The following LPAR1 variants were observed in gnomAD, a reference collection of about 807,000 sequenced individuals.
LPAR1 encodes lysophosphatidic acid receptor 1.
Under a neutral mutation model 23.8 loss-of-function variants are expected in LPAR1, and 5 were observed. The observed-to-expected ratio is 0.21, with a 90% CI of 0.11 to 0.44. The LOEUF (loss-of-function observed/expected upper bound fraction) is 0.44, where lower values mean the gene tolerates loss of function less well. Among genes scored for constraint, LPAR1 ranks in the 20% least tolerant of loss-of-function variants. LPAR1 has a pLI of 0.99. For missense variants in LPAR1, 311 were observed against 482.8 expected (o/e 0.64, Z 3.33); for synonymous variants, 160 against 164.7 (o/e 0.97, Z 0.22).
intron 2 of LPAR1, among the ~76,000 whole-genome samples, chr9:110,999,143 T>C (rs2097080490): frequency 6.6e-6 from 1 of 152,178 alleles, no homozygotes; most frequent in Non-Finnish European, 1.5e-5. Flanking sequence ...TGAATAAAGA[T>C]GATGTCAGCC....
intron 5 of LPAR1, among the ~76,000 whole-genome samples, chr9:110,908,668 T>C (rs2091846404): frequency 6.6e-6 from 1 of 152,104 alleles, no homozygotes; most frequent in Non-Finnish European, 1.5e-5. Flanking sequence ...TGAATACGAC[T>C]TCCTAGGAGG....
intron 4 of LPAR1, among the ~76,000 whole-genome samples, chr9:110,943,548 T>G (rs1412373822): frequency 6.6e-6 from 1 of 152,108 alleles, no homozygotes; most frequent in Non-Finnish European, 1.5e-5. Context: ...ATTTATCTCT[T>G]TACTTGTCTG....
At chr9:110,929,487 CA>C (rs754632177) in intron 5 of LPAR1, among the ~76,000 whole-genome samples, 2 of 152,090 alleles carry the variant, frequency 1.3e-5, no homozygotes, top group Non-Finnish European at 2.9e-5. Context: ...CATAAGCAAG[CA>C]AAATTTCTGA....
intron 2 of LPAR1, among the ~76,000 whole-genome samples, chr9:111,008,248 T>C (rs151172590): frequency 3.3e-5 from 5 of 152,286 alleles, no homozygotes; most frequent in Middle Eastern, 3.4e-3. Context: ...AGTCACACTA[T>C]AGACGTCTTT....
chr9:111,014,982 T>G (rs2097412519), intron 2 of LPAR1, among the ~76,000 whole-genome samples: 1 of 151,704 alleles, frequency 6.6e-6, no homozygotes, highest in Admixed American at 6.6e-5. Flanking sequence ...ATGAGGTCAT[T>G]AGAGTGGGCC....
chr9:110,980,548 G>A (rs1203658885), intron 2 of LPAR1, among the ~76,000 whole-genome samples: 1 of 151,746 alleles, frequency 6.6e-6, no homozygotes, highest in Non-Finnish European at 1.5e-5. Context: ...CAATGTTCTC[G>A]CTCCTATGTG....
intron 5 of LPAR1, among the ~76,000 whole-genome samples, chr9:110,904,275 T>G (rs1219533099): frequency 6.6e-6 from 1 of 152,166 alleles, no homozygotes; most frequent in Non-Finnish European, 1.5e-5. Context: ...CTCATGAGTT[T>G]CATAAGATAT....
intron 5 of LPAR1, among the ~76,000 whole-genome samples, chr9:110,896,035 G>A (rs1179603131): frequency 6.6e-6 from 1 of 152,188 alleles, no homozygotes; most frequent in African/African-American, 2.4e-5. Context: ...GAAGATGTAA[G>A]CTGGGTCAAT....
chr9:110,903,807 T>A (rs2090185491), intron 5 of LPAR1, among the ~76,000 whole-genome samples: 1 of 130,470 alleles, frequency 7.7e-6, no homozygotes, highest in Admixed American at 8.7e-5. Context: ...ATAAGCTGTA[T>A]AAATCTCAAA....
At chr9:110,935,840 A>G (rs1020001486) in intron 5 of LPAR1, among the ~76,000 whole-genome samples, 4 of 152,222 alleles carry the variant, frequency 2.6e-5, no homozygotes, top group Non-Finnish European at 4.4e-5. Context: ...GGAACCCTTC[A>G]TCGTCTCCCA....
chr9:110,884,775 T>C (rs1481975987), intron 5 of LPAR1, among the ~76,000 whole-genome samples: 1 of 152,234 alleles, frequency 6.6e-6, no homozygotes, highest in African/African-American at 2.4e-5. Context: ...TAAGGAAATA[T>C]CCTATTACTT....
At chr9:111,000,669 T>C (rs901423987) in intron 2 of LPAR1, among the ~76,000 whole-genome samples, 10 of 152,192 alleles carry the variant, frequency 6.6e-5, no homozygotes, top group Non-Finnish European at 1.3e-4. Context: ...GGGGCATGGT[T>C]AGAACTCCAA....
In LPAR1 at chr9:110,972,193, C is replaced by G. The variant is rs1588622641; in HGVS notation, c.-76G>C. 2 of 1,313,988 alleles carry G rather than the reference C, an allele frequency of 1.5e-6. No individual in the cohort carries two copies. The highest frequency in any genetic ancestry group is 1.4e-5 in the African/African-American group (1 of 69,096). The allele number at this position is 1,313,988 out of a possible 1,614,324, so 81.4% of individuals were successfully genotyped here. A position where few individuals can be genotyped will look rare whatever the true frequency, so the allele number is the denominator to read the frequency against. ...AAATTTTCTTGTTTGCTGATCAGAT[C>G]GAAGTCATGCTAGGAGAAGCTGTGT... On this transcript the variant is annotated 5_prime_UTR_variant, in exon 4 of 6. Coordinates refer to ENST00000683809, the MANE Select transcript of LPAR1 (RefSeq NM_001351411.2).
intron 5 of LPAR1, chr9:110,934,374 G>A (rs1035924062): frequency 6.6e-6 from 1 of 151,998 alleles, no homozygotes; most frequent in African/African-American, 2.4e-5. Context: ...GGGGGATAGT[G>A]CATCTAAAAG....
At chr9:110,879,155 G>T (rs1327881949) in intron 5 of LPAR1, among the ~76,000 whole-genome samples, 1 of 152,092 alleles carries the variant, frequency 6.6e-6, no homozygotes, top group Non-Finnish European at 1.5e-5. Flanking sequence ...GGGAGCTCAC[G>T]CCTGTAATCC....
intron 4 of LPAR1, among the ~76,000 whole-genome samples, chr9:110,961,748 G>A (rs10817123): frequency 0.23 from 34,187 of 151,838 alleles, 4,458 homozygotes; most frequent in Admixed American, 0.3. Flanking sequence ...GTACATGGCC[G>A]CAGGCAAGAG....
rs73657207 is a variant in LPAR1 at position 110,948,894 on chromosome 9, T to C, written c.46-6726A>G. ...CTAGCAGTCTCTAAGATCTTCGTAT[T>C]GGTAAGTGTGTAGATCAAGAAAAAA... is the stretch of plus-strand genomic sequence containing the variant. On this transcript the variant is annotated intron_variant, in intron 4 of 5. Coordinates refer to ENST00000683809, the MANE Select transcript of LPAR1 (RefSeq NM_001351411.2). Among the ~76,000 whole-genome samples, 1,322 of 150,952 alleles carry C rather than the reference T, an allele frequency of 8.8e-3. 24 individuals carry two copies. The highest frequency in any genetic ancestry group is 0.03 in the African/African-American group (1,248 of 41,054).
chr9:111,035,799 T>C (rs181352145), intron 2 of LPAR1, among the ~76,000 whole-genome samples: 36 of 152,344 alleles, frequency 2.4e-4, no homozygotes, highest in Non-Finnish European at 4.1e-4. Context: ...AGTTCTGTTA[T>C]CTGCTGAATA....
chr9:110,994,239 T>C (rs184959285), intron 2 of LPAR1, among the ~76,000 whole-genome samples: 177 of 152,296 alleles, frequency 1.2e-3, no homozygotes, highest in Middle Eastern at 0.01. Flanking sequence ...AGGAACATTC[T>C]ACACAATGAA....
Sources: allele counts gnomAD v4.1 joint callset (sites outside exome capture counted in the v4.1 genomes callset), GRCh38; gene constraint gnomAD v4.1.1; transcripts MANE v1.5; gene names NCBI Gene and HGNC (gene_info 2026-07-23, HGNC 2026-07-21).